Variants in SNAP91 observed in about 807,000 individuals in gnomAD.
SNAP91 encodes the protein synaptosome associated protein 91, also known as clathrin coat assembly protein AP180.
SNAP91 carries 27 observed loss-of-function variants against 100.3 expected under a neutral mutation model. That is an observed-to-expected ratio of 0.27 (90% CI 0.20 to 0.37). The LOEUF is 0.37. Among genes scored for constraint, SNAP91 ranks in the 10% least tolerant of loss-of-function variants. The probability of loss-of-function intolerance (pLI) is 1.00; values close to 1 mark genes in which losing one functional copy is unlikely to be tolerated. For synonymous variants in SNAP91, 404 were observed against 398.6 expected (o/e 1.01, Z -0.16); for missense variants, 986 against 1,123.7 (o/e 0.88, Z 1.75).
At chr6:83,608,753 A>G (rs1182149532) in intron 12 of SNAP91, among the ~76,000 whole-genome samples, 1 of 152,216 alleles carries the variant, frequency 6.6e-6, no homozygotes, top group South Asian at 2.1e-4. Context: ...AGACTTAAAT[A>G]TTATGTTTGT....
chr6:83,560,145 T>C lies in SNAP91; in HGVS notation c.2590A>G (p.Met864Val), dbSNP rs1417622047. 2 of 1,613,806 alleles carry C rather than the reference T, an allele frequency of 1.2e-6. No individual in the cohort carries two copies. The highest frequency in any genetic ancestry group is 1.7e-5 in the Admixed American group (1 of 59,978). The change falls in exon 28 of 30, where the codon ATG (methionine) becomes GTG (valine). Residue 864 changes from methionine to valine, a missense_variant. By Grantham distance (21) the Met-to-Val change is conservative (BLOSUM62 1). Coordinates refer to ENST00000369694, the MANE Select transcript of SNAP91 (RefSeq NM_001242792.2). ...QQPVMFAQPM[M>V]RPPFGAAAVP... ...GCGGCAGCTCCAAAGGGGGGCCTCA[T>C]CATGGGCTGTGCAAACATGACCGGC...
At chr6:83,677,170 T>A (rs1319773938) in intron 2 of SNAP91, among the ~76,000 whole-genome samples, 2 of 152,158 alleles carry the variant, frequency 1.3e-5, no homozygotes, top group East Asian at 1.9e-4. Flanking sequence ...GGAGACCCCA[T>A]GCCTTGTGCA....
At chr6:83,689,218 A>G (rs1292519038) in intron 2 of SNAP91, among the ~76,000 whole-genome samples, 1 of 152,176 alleles carries the variant, frequency 6.6e-6, no homozygotes, top group Non-Finnish European at 1.5e-5. Context: ...CAGCTTGATA[A>G]CAGAGCAGCC....
intron 9 of SNAP91, among the ~76,000 whole-genome samples, chr6:83,621,487 G>A (rs1026514189): frequency 6.6e-6 from 1 of 152,034 alleles, no homozygotes; most frequent in Non-Finnish European, 1.5e-5. Context: ...TTTGAGGGAG[G>A]AGTCTCTGTT....
intron 10 of SNAP91, among the ~76,000 whole-genome samples, chr6:83,615,442 C>A (rs1032801359): frequency 1.3e-5 from 2 of 152,156 alleles, no homozygotes; most frequent in Non-Finnish European, 2.9e-5. Context: ...TTCCTGTCTC[C>A]ATTTGCTTAA....
At chr6:83,645,593 T>G (rs1271342087) in intron 7 of SNAP91, among the ~76,000 whole-genome samples, 2 of 152,100 alleles carry the variant, frequency 1.3e-5, no homozygotes, top group East Asian at 1.9e-4. Context: ...ATGCTTATAA[T>G]CCCAGTACTG....
At chr6:83,568,516 T>C (rs1376591492) in intron 26 of SNAP91, among the ~76,000 whole-genome samples, 2 of 151,738 alleles carry the variant, frequency 1.3e-5, no homozygotes, top group South Asian at 2.1e-4. Flanking sequence ...AATAACTTAA[T>C]AGGTCTGCTG....
intron 22 of SNAP91, among the ~76,000 whole-genome samples, chr6:83,588,482 T>C (rs1309035044): frequency 6.6e-6 from 1 of 152,178 alleles, no homozygotes; most frequent in African/African-American, 2.4e-5. Flanking sequence ...GACAACACAA[T>C]TGAATAATTT....
intron 2 of SNAP91, chr6:83,690,380 G>C: frequency 1.6e-6 from 2 of 1,288,424 alleles, no homozygotes; most frequent in African/African-American, 1.5e-5. Flanking sequence ...AAAGATGCTG[G>C]AACATACTTT....
chr6:83,595,869 T>G (rs2094420225), intron 16 of SNAP91, among the ~76,000 whole-genome samples: 1 of 152,216 alleles, frequency 6.6e-6, no homozygotes, highest in African/African-American at 2.4e-5. Flanking sequence ...GAAACACTCT[T>G]TAGTAATGCA....
intron 7 of SNAP91, among the ~76,000 whole-genome samples, chr6:83,648,047 A>G (rs1032412050): frequency 9.8e-5 from 15 of 152,330 alleles, no homozygotes; most frequent in African/African-American, 3.4e-4. Context: ...GGGAGCATTA[A>G]AACCACAGCA....
rs1826958514 is a variant in SNAP91 at position 83,580,698 on chromosome 6, G to A, written c.2150-99C>T. The A allele has an allele frequency of 9.6e-6, 11 of 1,142,152 alleles. No homozygotes were observed. In the Admixed American group the frequency reaches 1.8e-4, roughly 19 times the overall value. The allele number at this position is 1,142,152 out of a possible 1,614,324, so 70.8% of individuals were successfully genotyped here. ...CTCTTTTGATACTATGGAAACAAGT[G>A]AATATAAAATCTTATAAAAGAAGGC... On this transcript the variant is annotated intron_variant, in intron 23 of 29. Transcript: ENST00000369694.
intron 7 of SNAP91, among the ~76,000 whole-genome samples, chr6:83,647,841 G>C (rs1436636153): frequency 6.6e-6 from 1 of 152,118 alleles, no homozygotes; most frequent in East Asian, 1.9e-4. Flanking sequence ...AAAGAAAGAT[G>C]TATTTGGCTC....
At chr6:83,693,116 C>T (rs1242426524) in intron 2 of SNAP91, among the ~76,000 whole-genome samples, 3 of 152,082 alleles carry the variant, frequency 2.0e-5, no homozygotes. Context: ...AGACAGAGAA[C>T]AAACAAAAAT....
intron 2 of SNAP91, among the ~76,000 whole-genome samples, chr6:83,687,521 T>A (rs1260847462): frequency 6.6e-6 from 1 of 152,238 alleles, no homozygotes; most frequent in Non-Finnish European, 1.5e-5. Context: ...TGTAAGCTCA[T>A]CTCGGGCAGA....
chr6:83,587,186 C>G lies in SNAP91; in HGVS notation c.2014+4025G>C, dbSNP rs556768263. Among the ~76,000 whole-genome samples, 4 of 151,986 alleles carry G rather than the reference C, an allele frequency of 2.6e-5. No homozygotes were observed. The South Asian group carries it at 6.2e-4, about 24-fold the overall frequency. On this transcript the variant is annotated intron_variant, in intron 22 of 29. Transcript: ENST00000369694. ...ATGTTTAGTTTAAAATCTCTAAAAT[C>G]ATTTTAAAATTTAATTATATCATAT...
intron 2 of SNAP91, among the ~76,000 whole-genome samples, chr6:83,699,971 G>A (rs1274227511): frequency 2.6e-5 from 4 of 152,172 alleles, no homozygotes; most frequent in African/African-American, 7.2e-5. Flanking sequence ...TCTTATATAT[G>A]ATGAAGGAAT....
intron 16 of SNAP91, among the ~76,000 whole-genome samples, chr6:83,595,050 C>G (rs2094302702): frequency 6.6e-6 from 1 of 152,006 alleles, no homozygotes; most frequent in South Asian, 2.1e-4. Flanking sequence ...AGTGTTAAGT[C>G]TTCACTATCC....
chr6:83,559,890 G>A (rs1277339688), intron 28 of SNAP91, among the ~76,000 whole-genome samples: 1 of 152,174 alleles, frequency 6.6e-6, no homozygotes, highest in East Asian at 1.9e-4. Flanking sequence ...TAAGTAGGAA[G>A]AGAATGGAGG....
Sources: gnomAD v4.1 joint callset for allele counts (sites outside exome capture counted in the v4.1 genomes callset) on GRCh38, gnomAD v4.1.1 for gene constraint, MANE v1.5 for transcripts, NCBI Gene and HGNC (gene_info 2026-07-23, HGNC 2026-07-21) for gene names.